Variants in PRUNE2 observed in about 807,000 individuals in gnomAD.
PRUNE2 encodes prune homolog 2 with BCH domain, also known as protein prune homolog 2.
A neutral mutation model predicts 252.0 loss-of-function variants in PRUNE2; 164 were observed. The observed-to-expected ratio is 0.65, with a 90% CI of 0.57 to 0.74. PRUNE2 has a LOEUF of 0.74. Ranked by LOEUF, PRUNE2 falls within the 30% of genes least tolerant of loss-of-function variation. The pLI is 0.00. For missense variants in PRUNE2, 3,495 were observed against 3,711.0 expected (o/e 0.94, Z 1.51); for synonymous variants, 1,292 against 1,350.2 (o/e 0.96, Z 0.94).
At chr9:76,789,495 T>C (rs973148912) in intron 6 of PRUNE2, among the ~76,000 whole-genome samples, 1 of 152,188 alleles carries the variant, frequency 6.6e-6, no homozygotes, top group East Asian at 1.9e-4. Flanking sequence ...GGGGCTCCAA[T>C]GTGGAGGCCT....
intron 6 of PRUNE2, among the ~76,000 whole-genome samples, chr9:76,780,478 G>A (rs910008385): frequency 6.6e-6 from 1 of 152,046 alleles, no homozygotes; most frequent in Non-Finnish European, 1.5e-5. Context: ...ACGAGGCCAG[G>A]AGATCAAGAC....
At chr9:76,888,768 G>T (rs1387193743) in intron 1 of PRUNE2, among the ~76,000 whole-genome samples, 1 of 152,004 alleles carries the variant, frequency 6.6e-6, no homozygotes, top group East Asian at 1.9e-4. Context: ...TCAGTCAGAA[G>T]CTCTGCACTC....
At chr9:76,732,187 G>A (rs937718897) in intron 6 of PRUNE2, among the ~76,000 whole-genome samples, 39 of 152,000 alleles carry the variant, frequency 2.6e-4, no homozygotes, top group Non-Finnish European at 3.1e-4. Context: ...GGTGGTGGGT[G>A]CCTGTAGTCC....
At chr9:76,818,127 T>G (rs2057805455) in intron 6 of PRUNE2, among the ~76,000 whole-genome samples, 1 of 152,154 alleles carries the variant, frequency 6.6e-6, no homozygotes, top group Non-Finnish European at 1.5e-5. Flanking sequence ...CAAGACCAGT[T>G]CAAAACTAAC....
chr9:76,880,516 C>A (rs944891165), intron 1 of PRUNE2, among the ~76,000 whole-genome samples: 1 of 152,198 alleles, frequency 6.6e-6, no homozygotes, highest in Non-Finnish European at 1.5e-5. Context: ...CTAGTAGTCA[C>A]TGTACTCTTC....
intron 9 of PRUNE2, among the ~76,000 whole-genome samples, chr9:76,675,612 A>G (rs1258448527): frequency 9.5e-4 from 111 of 117,018 alleles, no homozygotes; most frequent in African/African-American, 2.7e-3. Context: ...AGACACATGC[A>G]TACGTATGTT....
chr9:76,743,820 G>C (rs1248608336), intron 6 of PRUNE2, among the ~76,000 whole-genome samples: 1 of 152,086 alleles, frequency 6.6e-6, no homozygotes, highest in Non-Finnish European at 1.5e-5. Flanking sequence ...GTTAACTTTA[G>C]TTACCTTGGG....
intron 1 of PRUNE2, among the ~76,000 whole-genome samples, chr9:76,905,297 G>A (rs959142460): frequency 6.6e-6 from 1 of 152,134 alleles, no homozygotes; most frequent in Non-Finnish European, 1.5e-5. Flanking sequence ...GTCTGCTCCC[G>A]GGAGAACGAT....
At chr9:76,866,592 G>A (rs562744339) in intron 1 of PRUNE2, among the ~76,000 whole-genome samples, 20 of 152,136 alleles carry the variant, frequency 1.3e-4, no homozygotes, top group African/African-American at 4.3e-4. Context: ...TTTGCAAAAC[G>A]CTGGCAATTT....
Position 76,708,914 on chromosome 9 carries a change from C to G in PRUNE2, c.3360G>C (p.Leu1120Phe). 1 of 1,613,996 alleles carries G rather than the reference C, an allele frequency of 6.2e-7. No homozygotes were observed. The highest frequency in any genetic ancestry group is 8.5e-7 in the Non-Finnish European group (1 of 1,179,902). ...TCGTTGCAGTGGACTGAGTATCCTCCAAAATCACTCTGTTCCACAAGTCGA... is the reference window on the plus strand; with the variant it reads ...TCGTTGCAGTGGACTGAGTATCCTCGAAAATCACTCTGTTCCACAAGTCGA... ...DSLDLWNRVI[L>F]EDTQSTATIS... Residue 1120 changes from leucine to phenylalanine, a missense_variant, in exon 8 of 19, where the codon TTG (leucine) becomes TTC (phenylalanine). Transcript: ENST00000376718.
chr9:76,816,727 A>T (rs575668307), intron 6 of PRUNE2, among the ~76,000 whole-genome samples: 18 of 152,310 alleles, frequency 1.2e-4, no homozygotes, highest in Non-Finnish European at 2.2e-4. Flanking sequence ...TCATTTCAGT[A>T]AAAAATCTCT....
intron 18 of PRUNE2, 21 bp from the exon 19 acceptor site, chr9:76,614,621 G>GA: frequency 6.2e-7 from 1 of 1,603,636 alleles, no homozygotes; most frequent in Non-Finnish European, 8.5e-7. Context: ...AAGAAAAAGA[G>GA]AGAGAAACAT....
chr9:76,775,937 T>C (rs909498977), intron 6 of PRUNE2, among the ~76,000 whole-genome samples: 2 of 148,948 alleles, frequency 1.3e-5, no homozygotes, highest in Admixed American at 6.7e-5. Flanking sequence ...TAAACCTAAT[T>C]CCACTCTTCT....
intron 1 of PRUNE2, among the ~76,000 whole-genome samples, chr9:76,889,362 T>G (rs1420410865): frequency 6.6e-6 from 1 of 151,664 alleles, no homozygotes; most frequent in Non-Finnish European, 1.5e-5. Context: ...GAGACAGAGT[T>G]TAGGCTGGAG....
chr9:76,875,657 C>T (rs939240739), intron 1 of PRUNE2, among the ~76,000 whole-genome samples: 1 of 152,176 alleles, frequency 6.6e-6, no homozygotes, highest in Non-Finnish European at 1.5e-5. Context: ...AGCCACCATG[C>T]CCAGCCGGCT....
At chr9:76,712,228 G>C (rs577066709) in intron 7 of PRUNE2, among the ~76,000 whole-genome samples, 2 of 152,164 alleles carry the variant, frequency 1.3e-5, no homozygotes, top group African/African-American at 4.8e-5. Flanking sequence ...AATCACCACA[G>C]TAATTCCACA....
intron 6 of PRUNE2, among the ~76,000 whole-genome samples, chr9:76,720,476 A>T (rs1380719800): frequency 6.6e-6 from 1 of 152,224 alleles, no homozygotes; most frequent in Non-Finnish European, 1.5e-5. Context: ...CATGAGCCTT[A>T]GTTTCCTCAT....
At chr9:76,878,343 G>A (rs1453223121) in intron 1 of PRUNE2, among the ~76,000 whole-genome samples, 2 of 152,216 alleles carry the variant, frequency 1.3e-5, no homozygotes, top group Non-Finnish European at 2.9e-5. Flanking sequence ...GAGCAAGAAG[G>A]TGAACCACAG....
rs553621921 is a variant in PRUNE2 at position 76,732,080 on chromosome 9, C to T, written c.757-18359G>A. Reference sequence around the variant, plus strand: ...CTGTAATCCCAGCACTTTGGAAGGCCGAGGCGGGTGGATCACGAGGTCAGG... The same window carrying T: ...CTGTAATCCCAGCACTTTGGAAGGCTGAGGCGGGTGGATCACGAGGTCAGG... On this transcript the variant is annotated intron_variant, in intron 6 of 18. Transcript: ENST00000376718. Among the ~76,000 whole-genome samples, 13 of 152,226 alleles carry T rather than the reference C, an allele frequency of 8.5e-5. No individual in the cohort carries two copies. The South Asian group carries it at 2.1e-3, about 24-fold the overall frequency.
Sources: gnomAD v4.1 joint callset for allele counts (sites outside exome capture counted in the v4.1 genomes callset) on GRCh38, gnomAD v4.1.1 for gene constraint, MANE v1.5 for transcripts, NCBI Gene and HGNC (gene_info 2026-07-23, HGNC 2026-07-21) for gene names.